Variants in AKTIP observed in about 807,000 individuals in gnomAD.
The protein encoded by AKTIP is AKT interacting protein, also known as AKT-interacting protein.
AKTIP carries 16 observed loss-of-function variants against 39.1 expected under a neutral mutation model. The ratio of observed to expected loss-of-function variants is 0.41; its 90% confidence interval spans 0.28 to 0.62. AKTIP has a LOEUF of 0.62. Among genes scored for constraint, AKTIP ranks in the 20% least tolerant of loss-of-function variants. AKTIP has a pLI of 0.32. For synonymous variants in AKTIP, 93 were observed against 124.3 expected, an observed-to-expected ratio of 0.75 and a Z score of 1.67; for missense variants, 262 against 356.6, an observed-to-expected ratio of 0.73 and a Z score of 2.14.
rs1961424359 is a variant in AKTIP, at chr16:53,491,209, ATG to A, written c.*1201_*1202del. The A allele has an allele frequency of 6.6e-6, 1 of 152,246 alleles. No individual in the cohort carries two copies. The highest frequency in any genetic ancestry group is 1.5e-5 in the Non-Finnish European group (1 of 68,038). 9.4% of individuals were successfully genotyped at this position (152,246 alleles called of 1,614,324 possible). Reference sequence around the variant, plus strand: ...ATTGAGGGGATTAATATGAAAACTTATGACCTCTTCCTTTAGGAGGGAGTTAT... The same window carrying A: ...ATTGAGGGGATTAATATGAAAACTTAACCTCTTCCTTTAGGAGGGAGTTAT... On this transcript the variant is annotated 3_prime_UTR_variant, in exon 10 of 10. Transcript: ENST00000394657.
rs1253373418 is a variant in AKTIP, at chr16:53,491,081, A to AAATGTT, written c.*1325_*1330dup. The AAATGTT allele has an allele frequency of 2.0e-5, 3 of 152,718 alleles. No individual in the cohort carries two copies. The East Asian group carries it at 5.8e-4, about 29-fold the overall frequency. 9.5% of individuals were successfully genotyped at this position (152,718 alleles called of 1,614,324 possible). A position where few individuals can be genotyped will look rare whatever the true frequency, so the allele number is the denominator to read the frequency against. ...TCTTTAATGCTTTTATATTTTTTTAAAATGTTAAAACCCCTATAGCCACCT... is the reference window on the plus strand; with the variant it reads ...TCTTTAATGCTTTTATATTTTTTTAAAATGTTAATGTTAAAACCCCTATAGCCACCT... On this transcript the variant is annotated 3_prime_UTR_variant, in exon 10 of 10. Coordinates refer to ENST00000394657, the MANE Select transcript of AKTIP (RefSeq NM_022476.4).
intron 1 of AKTIP, chr16:53,501,831 A>C (rs1179923281): frequency 6.6e-6 from 1 of 152,244 alleles, no homozygotes; most frequent in Non-Finnish European, 1.5e-5. Context: ...CATGGATAAC[A>C]TGCAATAAGT....
chr16:53,491,279 T>C lies in AKTIP; in HGVS notation c.*1133A>G, dbSNP rs904488464. ...TAAGGTGATATATTTAAAAATATTT[T>C]TGGGTGTTCCTGGCAGTTTAAAAAA... On this transcript the variant is annotated 3_prime_UTR_variant, in exon 10 of 10. Transcript: ENST00000394657. 1 of 152,170 alleles carries C rather than the reference T, an allele frequency of 6.6e-6. No homozygotes were observed. The highest frequency in any genetic ancestry group is 2.4e-5 in the African/African-American group (1 of 41,434). The allele number at this position is 152,170 out of a possible 1,614,324, so 9.4% of individuals were successfully genotyped here.
intron 3 of AKTIP, among the ~76,000 whole-genome samples, chr16:53,498,044 G>A (rs866534790): frequency 2.0e-5 from 3 of 152,160 alleles, no homozygotes; most frequent in Non-Finnish European, 2.9e-5. Flanking sequence ...CGCCATGCCC[G>A]GCCAATCTAC....
Position 53,494,323 on chromosome 16 carries a change from AG to A in AKTIP, c.602+15del, listed in dbSNP as rs746599433. The A allele has an allele frequency of 3.7e-6, 6 of 1,613,538 alleles. No homozygotes were observed. The highest frequency in any genetic ancestry group is 5.1e-6 in the Non-Finnish European group (6 of 1,179,632). On this transcript the variant is annotated intron_variant, in intron 7 of 9. Transcript: ENST00000394657. ...TCTTCAAATTTATTTTAAATAACAA[AG>A]CAAAAGTTACATACAGTACTGCAGC... is the stretch of plus-strand genomic sequence containing the variant.
chr16:53,499,813 A>G (rs1477555062), intron 2 of AKTIP, among the ~76,000 whole-genome samples: 1 of 152,170 alleles, frequency 6.6e-6, no homozygotes, highest in African/African-American at 2.4e-5. Flanking sequence ...AAATGAAAAT[A>G]TATTTTTAAA....
intron 1 of AKTIP, chr16:53,502,836 G>C (rs1054104327): frequency 6.6e-6 from 1 of 152,096 alleles, no homozygotes; most frequent in African/African-American, 2.4e-5. Context: ...CTCGGGGTCG[G>C]GACCCGGCCG....
At chr16:53,494,069 C>T in intron 8 of AKTIP, 69 bp downstream of exon 8, 1 of 1,218,328 alleles carries the variant, frequency 8.2e-7, no homozygotes, top group South Asian at 1.2e-5. Context: ...ATTCTGAGAC[C>T]ACCTGGAGAA....
intron 3 of AKTIP, among the ~76,000 whole-genome samples, chr16:53,498,149 C>T (rs1484354319): frequency 6.6e-6 from 1 of 152,188 alleles, no homozygotes; most frequent in Non-Finnish European, 1.5e-5. Flanking sequence ...TCTTATTCAC[C>T]CGAGCTCTAA....
chr16:53,503,690 C>T (rs1430380110), upstream of AKTIP, among the ~76,000 whole-genome samples: 4 of 152,194 alleles, frequency 2.6e-5, no homozygotes, highest in South Asian at 2.1e-4. Flanking sequence ...TTGGGGAGGG[C>T]CGGGCCGCGC....
At chr16:53,493,354 TA>T (rs2150847609) in intron 8 of AKTIP, 1 of 153,518 alleles carries the variant, frequency 6.5e-6, no homozygotes, top group South Asian at 2.0e-4. Context: ...GTATTTTTAA[TA>T]GAGACGGGGT....
intron 1 of AKTIP, chr16:53,501,361 CA>C (rs1962158972): frequency 6.6e-6 from 1 of 152,184 alleles, no homozygotes; most frequent in African/African-American, 2.4e-5. Flanking sequence ...ACAGATCTTC[CA>C]GCCGAAGCTT....
intron 2 of AKTIP, 95 bp from the exon 3 acceptor site, chr16:53,498,691 C>T: frequency 1.6e-6 from 2 of 1,226,988 alleles, no homozygotes; most frequent in Non-Finnish European, 2.4e-6. Flanking sequence ...TGGAATTACT[C>T]CTTTACAAGC....
At position 53,495,281 on chromosome 16, in the gene AKTIP, T is replaced by G; in HGVS notation, c.294A>C (p.Pro98=). 1 of 1,614,230 alleles carries G rather than the reference T, an allele frequency of 6.2e-7. No individual in the cohort carries two copies. The highest frequency in any genetic ancestry group is 2.2e-5 in the East Asian group (1 of 44,886). Residue 98 remains proline (P), a synonymous_variant, in exon 4 of 10, where the codon CCA becomes CCC. Coordinates refer to ENST00000394657, the MANE Select transcript of AKTIP (RefSeq NM_022476.4). ...TCTTACTTAATGCAGAGCGATAAGA[T>G]GGCTGCACATAGACGCCTGGTAGCT... ...KQKLPGVYVQ[P]SYRSALMWFG...
chr16:53,502,965 GCAGGTGCCTGCAAACGCGCA>G (rs1466458856), intron 1 of AKTIP, 162 bp downstream of exon 1: 1 of 152,372 alleles, frequency 6.6e-6, no homozygotes, highest in Non-Finnish European at 1.5e-5. Context: ...GGCCAGCGCA[GCAGGTGCCTGCAAACGCGCA>G]CAGGTGCCCG....
upstream of AKTIP, among the ~76,000 whole-genome samples, chr16:53,503,519 C>G (rs963758218): frequency 6.6e-6 from 1 of 152,210 alleles, no homozygotes; most frequent in Non-Finnish European, 1.5e-5. Context: ...ATCGGCCCCC[C>G]GGGGAGGGAT....
chr16:53,494,126 T>G lies in AKTIP; in HGVS notation c.710+12A>C. On this transcript the variant is annotated intron_variant, in intron 8 of 9. Transcript: ENST00000394657. ...GACAGTGGACAGTTCACTTGGGGGATGCACCACTTACCTAATTGCATAGGG... is the reference window on the plus strand; with the variant it reads ...GACAGTGGACAGTTCACTTGGGGGAGGCACCACTTACCTAATTGCATAGGG... 1.9e-6 allele frequency: 3 copies of G among 1,592,918 alleles called. No homozygotes were observed. The highest frequency in any genetic ancestry group is 2.6e-6 in the Non-Finnish European group (3 of 1,160,852).
At chr16:53,504,109 T>TTTTA, upstream of AKTIP, among the ~76,000 whole-genome samples, 1 of 141,674 alleles carries the variant, frequency 7.1e-6, no homozygotes, top group Non-Finnish European at 1.5e-5. Context: ...TTTTTTTTTT[T>TTTTA]AATTCACACG....
At position 53,491,561 on chromosome 16, in the gene AKTIP, CA is replaced by C. The variant is rs987739978; in HGVS notation, c.*850del. 4.6e-5 allele frequency: 7 copies of C among 152,424 alleles called. No individual in the cohort carries two copies. Among genetic ancestry groups the C allele is most frequent in the African/African-American group, 1.4e-4 (6 of 41,384 alleles). The allele number at this position is 152,424 out of a possible 1,614,324, so 9.4% of individuals were successfully genotyped here. A position where few individuals can be genotyped will look rare whatever the true frequency, so the allele number is the denominator to read the frequency against. ...ATTGTTCAATTAGAATAGTGTTCTG[CA>C]AAAATATTTATAAAACTTCTCAAGA... is the stretch of plus-strand genomic sequence containing the variant. On this transcript the variant is annotated 3_prime_UTR_variant, in exon 10 of 10. Transcript: ENST00000394657.
Sources: gnomAD v4.1 joint callset for allele counts (sites outside exome capture counted in the v4.1 genomes callset) on GRCh38, gnomAD v4.1.1 for gene constraint, MANE v1.5 for transcripts, NCBI Gene and HGNC (gene_info 2026-07-23, HGNC 2026-07-21) for gene names.